GGA3: variants seen among roughly 807,000 people sequenced by gnomAD.
GGA3 encodes ADP-ribosylation factor-binding protein GGA3.
Under a neutral mutation model 77.5 loss-of-function variants are expected in GGA3, and 57 were observed. The ratio of observed to expected loss-of-function variants is 0.74; its 90% CI spans 0.59 to 0.92. The LOEUF (loss-of-function observed/expected upper bound fraction) is 0.92, where lower values mean the gene tolerates loss of function less well. Among genes scored for constraint, GGA3 ranks in the 40% least tolerant of loss-of-function variants. GGA3 has a pLI of 0.00. For synonymous variants in GGA3, 416 were observed against 383.7 expected (o/e 1.08, Z -0.98); for missense variants, 970 against 914.9 (o/e 1.06, Z -0.78).
intron 1 of GGA3, 85 bp downstream of exon 1, chr17:75,261,463 G>T: frequency 8.8e-7 from 1 of 1,139,254 alleles, no homozygotes; most frequent in Non-Finnish European, 1.2e-6. Context: ...AGGCGACGCC[G>T]TGGAGCCCGG....
intron 8 of GGA3, chr17:75,241,960 C>G: frequency 1.8e-6 from 1 of 562,428 alleles, no homozygotes; most frequent in Non-Finnish European, 3.2e-6. Context: ...GCATGTTCCT[C>G]AGAACTCAAA....
chr17:75,237,077 AT>A lies in GGA3; in HGVS notation c.*1201del, dbSNP rs886893823. ...TCCCCCGTGTCTATGGCAGCTGGTG[AT>A]TTTTTTTTTGTGACGGAGGCTTGGA... is the stretch of plus-strand genomic sequence containing the variant. On this transcript the variant is annotated 3_prime_UTR_variant, in exon 17 of 17. Coordinates refer to ENST00000537686, the MANE Select transcript of GGA3 (RefSeq NM_138619.4). 864 of 219,532 alleles carry A rather than the reference AT, an allele frequency of 3.9e-3. No individual in the cohort carries two copies. The highest frequency in any genetic ancestry group is 6.8e-3 in the East Asian group (66 of 9,748). 13.6% of individuals were successfully genotyped at this position (219,532 alleles called of 1,614,324 possible).
chr17:75,242,256 C>G, intron 8 of GGA3, 80 bp downstream of exon 8: 1 of 1,451,894 alleles, frequency 6.9e-7, no homozygotes, highest in East Asian at 2.3e-5. Context: ...TCTGACAAGG[C>G]ACGTGCTCAG....
chr17:75,247,905 C>T (rs942180273), intron 1 of GGA3, among the ~76,000 whole-genome samples: 9 of 152,198 alleles, frequency 5.9e-5, no homozygotes, highest in Non-Finnish European at 1.2e-4. Flanking sequence ...AAGAGCCCAG[C>T]TGAGGGTGGT....
chr17:75,242,699 A>G, intron 7 of GGA3, 132 bp downstream of exon 7: 1 of 916,124 alleles, frequency 1.1e-6, no homozygotes, highest in Non-Finnish European at 1.8e-6. Flanking sequence ...TCCCACTCTC[A>G]GCCACCGGGG....
chr17:75,239,684 T>A, intron 13 of GGA3, 105 bp downstream of exon 13: 1 of 1,464,860 alleles, frequency 6.8e-7, no homozygotes, highest in Non-Finnish European at 9.5e-7. Flanking sequence ...CCTTCCAGCC[T>A]GACTGATGGG....
intron 11 of GGA3, 115 bp from the exon 12 acceptor site, chr17:75,240,527 G>A: frequency 1.4e-6 from 1 of 707,010 alleles, no homozygotes. Flanking sequence ...AAGGCGCCGG[G>A]AGAAGCTGTT....
intron 16 of GGA3, 84 bp downstream of exon 16, chr17:75,238,567 TC>T: frequency 9.4e-7 from 1 of 1,058,652 alleles, no homozygotes; most frequent in Non-Finnish European, 1.4e-6. Flanking sequence ...TCAAAACACT[TC>T]CAGCTGGGAG....
Position 75,240,728 on chromosome 17 carries a change from C to A in GGA3, c.1192+84G>T, listed in dbSNP as rs985379228. The A allele has an allele frequency of 4.8e-6, 7 of 1,444,960 alleles. No individual in the cohort carries two copies. The African/African-American group carries it at 9.9e-5, about 20-fold the overall frequency. 89.5% of individuals were successfully genotyped at this position (1,444,960 alleles called of 1,614,324 possible). A position where few individuals can be genotyped will look rare whatever the true frequency, so the allele number is the denominator to read the frequency against. ...GCCCACCCCAACAGTCACACTGGGGCCCCGCTCAGGGCTCCTAATTCCACA... is the reference window on the plus strand; with the variant it reads ...GCCCACCCCAACAGTCACACTGGGGACCCGCTCAGGGCTCCTAATTCCACA... On this transcript the variant is annotated intron_variant, in intron 11 of 16. Coordinates refer to ENST00000537686, the MANE Select transcript of GGA3 (RefSeq NM_138619.4).
chr17:75,262,221 G>C, upstream of GGA3: 1 of 642,678 alleles, frequency 1.6e-6, no homozygotes, highest in Non-Finnish European at 2.7e-6. Flanking sequence ...CAGCTAAAGA[G>C]CTCAGATCTG....
At chr17:75,255,302 T>C (rs988490222) in intron 1 of GGA3, among the ~76,000 whole-genome samples, 1 of 152,088 alleles carries the variant, frequency 6.6e-6, no homozygotes, top group East Asian at 1.9e-4. Context: ...CACTCGTTTT[T>C]AGTTATCCCC....
At chr17:75,244,817 C>T (rs1425492067) in intron 3 of GGA3, 100 bp from the exon 4 acceptor site, 12 of 766,834 alleles carry the variant, frequency 1.6e-5, no homozygotes, top group East Asian at 9.8e-5. Flanking sequence ...TGAATAAACA[C>T]GCCCACAGGA....
intron 5 of GGA3, 115 bp from the exon 6 acceptor site, chr17:75,243,281 G>A (rs2145509929): frequency 9.0e-7 from 1 of 1,108,816 alleles, no homozygotes; most frequent in Non-Finnish European, 1.3e-6. Context: ...GCAGGGTGGA[G>A]GGCAGGCTGC....
chr17:75,241,169 C>A, intron 10 of GGA3, 112 bp from the exon 11 acceptor site: 2 of 1,270,966 alleles, frequency 1.6e-6, no homozygotes, highest in South Asian at 1.2e-5. Flanking sequence ...TGGCCTAATC[C>A]AACGGCATCT....
intron 1 of GGA3, among the ~76,000 whole-genome samples, chr17:75,253,418 CCT>C (rs1201406443): frequency 6.6e-6 from 1 of 152,202 alleles, no homozygotes; most frequent in East Asian, 1.9e-4. Context: ...TGCAGGGACA[CCT>C]CTCTGATTAT....
chr17:75,248,889 C>G (rs2076862442), intron 1 of GGA3: 2 of 984,454 alleles, frequency 2.0e-6, no homozygotes, highest in Non-Finnish European at 2.4e-6. Flanking sequence ...TCACTGGCAA[C>G]AGGGCTGCAG....
chr17:75,245,007 G>A (rs566901788), intron 3 of GGA3, among the ~76,000 whole-genome samples: 7 of 152,274 alleles, frequency 4.6e-5, no homozygotes, highest in Non-Finnish European at 1.0e-4. Flanking sequence ...CCTGGAAGGT[G>A]CCTTCCTTAA....
chr17:75,240,242 G>T, intron 12 of GGA3, 100 bp downstream of exon 12: 1 of 1,137,020 alleles, frequency 8.8e-7, no homozygotes, highest in East Asian at 2.6e-5. Flanking sequence ...CAGCTGGCAC[G>T]CTCTGGAGGG....
intron 3 of GGA3, among the ~76,000 whole-genome samples, chr17:75,246,075 G>A (rs1364416410): frequency 6.6e-6 from 1 of 152,198 alleles, no homozygotes; most frequent in Non-Finnish European, 1.5e-5. Flanking sequence ...AGCCATCAGT[G>A]CGACACCTTC....
Sources: gnomAD v4.1 joint callset for allele counts (sites outside exome capture counted in the v4.1 genomes callset) on GRCh38, gnomAD v4.1.1 for gene constraint, MANE v1.5 for transcripts, NCBI Gene and HGNC (gene_info 2026-07-23, HGNC 2026-07-21) for gene names.